The following P2RY2 variants were observed in gnomAD, a reference collection of about 807,000 sequenced individuals.
The protein encoded by P2RY2 is P2Y purinoceptor 2.
For synonymous variants in P2RY2, 241 were observed against 231.9 expected (o/e 1.04, Z -0.35); for missense variants, 567 against 515.7 (o/e 1.10, Z -0.96).
Position 73,237,217 on chromosome 11 carries a change from C to A in P2RY2, c.*1924C>A. ...CACCTCTCACCTTCTAGGTTCTATA[C>A]TTCTGTTAATGTAGCCGATGTCCTT... is the stretch of plus-strand genomic sequence containing the variant. On this transcript the variant is annotated 3_prime_UTR_variant, in exon 3 of 3. Transcript: ENST00000393597. 1.6e-6 allele frequency: 1 copy of A among 637,088 alleles called. No individual in the cohort carries two copies. Among genetic ancestry groups the A allele is most frequent in the Non-Finnish European group, 2.0e-6 (1 of 511,726 alleles). The allele number at this position is 637,088 out of a possible 1,614,324, so 39.5% of individuals were successfully genotyped here. A position where few individuals can be genotyped will look rare whatever the true frequency, so the allele number is the denominator to read the frequency against.
In P2RY2 at chr11:73,236,864, G is replaced by A; in HGVS notation, c.*1571G>A. ...AGCCAGGACCACTCTGGGCTGACGT[G>A]TGGCGCTCAGCTGGACAGGGCCCCG... On this transcript the variant is annotated 3_prime_UTR_variant, in exon 3 of 3. Transcript: ENST00000393597. 1 of 985,374 alleles carries A rather than the reference G, an allele frequency of 1.0e-6. No individual in the cohort carries two copies. Among genetic ancestry groups the A allele is most frequent in the Non-Finnish European group, 1.2e-6 (1 of 829,914 alleles). The allele number at this position is 985,374 out of a possible 1,614,324, so 61.0% of individuals were successfully genotyped here.
At position 73,235,266 on chromosome 11, in the gene P2RY2, C is replaced by T. The variant is rs145119561; in HGVS notation, c.1107C>T (p.Ser369=). Residue 369 remains serine, a synonymous_variant, in exon 3 of 3, where the codon AGC becomes AGT. Transcript: ENST00000393597. The part of the protein sequence containing the change: ...SRRTESTPAG[S]ENTKDIRL ...GGACAGAGTCCACGCCGGCTGGTAG[C>T]GAGAACACTAAGGACATTCGGCTGT... is the stretch of plus-strand genomic sequence containing the variant. The T allele has an allele frequency of 5.7e-6, 9 of 1,576,108 alleles. No individual in the cohort carries two copies. The highest frequency in any genetic ancestry group is 2.7e-5 in the African/African-American group (2 of 73,888).
At position 73,234,236 on chromosome 11, in the gene P2RY2, G is replaced by A. The variant is rs1477088266; in HGVS notation, c.77G>A (p.Arg26His). 1.9e-6 allele frequency: 3 copies of A among 1,614,024 alleles called. No individual in the cohort carries two copies. Among genetic ancestry groups the A allele is most frequent in the Admixed American group, 3.3e-5 (2 of 60,002 alleles). Residue 26 changes from arginine (R) to histidine (H), a missense_variant, in exon 3 of 3, where the codon CGC becomes CAC. Coordinates refer to ENST00000393597, the MANE Select transcript of P2RY2 (RefSeq NM_002564.4). Reference sequence around the variant, plus strand: ...GGGGATGAGCTGGGCTACAGGTGCCGCTTCAACGAGGACTTCAAGTACGTG... The same window carrying A: ...GGGGATGAGCTGGGCTACAGGTGCCACTTCAACGAGGACTTCAAGTACGTG... ...WDGDELGYRC[R>H]FNEDFKYVLL...
intron 2 of P2RY2, among the ~76,000 whole-genome samples, chr11:73,230,824 G>A (rs1862431280): frequency 6.6e-6 from 1 of 151,584 alleles, no homozygotes; most frequent in African/African-American, 2.4e-5. Flanking sequence ...CAGACTTGAG[G>A]GCTGGGCTTT....
rs184252118 is a variant in P2RY2, at chr11:73,221,046, T to A, written c.-200+2614T>A. ...AGCAGAGTTGCTACGAGGATTAAGATAGTGACCAGGGAAGAGCTTTATAAG... is the reference window on the plus strand; with the variant it reads ...AGCAGAGTTGCTACGAGGATTAAGAAAGTGACCAGGGAAGAGCTTTATAAG... On this transcript the variant is annotated intron_variant, in intron 1 of 2. Transcript: ENST00000393597. Among the ~76,000 whole-genome samples the A allele has an allele frequency of 2.0e-5, 3 of 152,294 alleles. No individual in the cohort carries two copies. The East Asian group carries it at 5.8e-4, about 29-fold the overall frequency.
intron 2 of P2RY2, among the ~76,000 whole-genome samples, chr11:73,230,399 C>T (rs1862416507): frequency 6.6e-6 from 1 of 152,048 alleles, no homozygotes; most frequent in African/African-American, 2.4e-5. Flanking sequence ...GTCCCACCTC[C>T]ACTGTGGCCA....
At chr11:73,220,678 G>A (rs931297890) in intron 1 of P2RY2, among the ~76,000 whole-genome samples, 2 of 152,192 alleles carry the variant, frequency 1.3e-5, no homozygotes, top group Non-Finnish European at 2.9e-5. Context: ...AAGGCTTGTC[G>A]CTCTTTCTCC....
chr11:73,220,087 C>G (rs1399734028), intron 1 of P2RY2, among the ~76,000 whole-genome samples: 1 of 152,228 alleles, frequency 6.6e-6, no homozygotes, highest in Non-Finnish European at 1.5e-5. Flanking sequence ...GAGAGAGCAG[C>G]AGTGGCGCCC....
Position 73,234,582 on chromosome 11 carries a change from C to T in P2RY2, c.423C>T (p.Ser141=). 1 of 1,576,576 alleles carries T rather than the reference C, an allele frequency of 6.3e-7. No individual in the cohort carries two copies. The highest frequency in any genetic ancestry group is 8.6e-7 in the Non-Finnish European group (1 of 1,160,578). ...RCLGVLRPLR[S]LRWGRARYAR... is the part of the protein sequence containing the mutation. The stretch of plus-strand genomic sequence containing the variant: ...TGGGCGTCTTACGACCTCTGCGCTC[C>T]CTGCGCTGGGGCCGGGCCCGCTACG... The change falls in exon 3 of 3, where the codon TCC becomes TCT. Residue 141 remains serine (S), a synonymous_variant. Transcript: ENST00000393597.
Position 73,236,788 on chromosome 11 carries a change from C to T in P2RY2, c.*1495C>T. On this transcript the variant is annotated 3_prime_UTR_variant, in exon 3 of 3. Transcript: ENST00000393597. ...TGGCAGGGTGGTGCTCAGGCTGGGT[C>T]AGGACTTAGTATGGGGGAGATGGGT... The T allele has an allele frequency of 2.0e-6, 2 of 985,408 alleles. No individual in the cohort carries two copies. Among genetic ancestry groups the T allele is most frequent in the Non-Finnish European group, 2.4e-6 (2 of 829,920 alleles). The allele number at this position is 985,408 out of a possible 1,614,324, so 61.0% of individuals were successfully genotyped here.
rs1370596605 is a variant in P2RY2 at position 73,235,836 on chromosome 11, A to G, written c.*543A>G. 1 of 1,000,812 alleles carries G rather than the reference A, an allele frequency of 1.0e-6. No homozygotes were observed. Among genetic ancestry groups the G allele is most frequent in the Non-Finnish European group, 1.2e-6 (1 of 830,482 alleles). The allele number at this position is 1,000,812 out of a possible 1,614,324, so 62.0% of individuals were successfully genotyped here. ...GGAGTACCCCCAGCCCAAGAGATGA[A>G]CATCTGGGGACTAATATCATAGACC... On this transcript the variant is annotated 3_prime_UTR_variant, in exon 3 of 3. Transcript: ENST00000393597.
chr11:73,236,997 C>G lies in P2RY2; in HGVS notation c.*1704C>G. On this transcript the variant is annotated 3_prime_UTR_variant, in exon 3 of 3. Transcript: ENST00000393597. ...GGGAGAGCCCTCGCCCTGTGGCCCACTCTGCCTGCCCCCTCTGACCTCTCC... is the reference window on the plus strand; with the variant it reads ...GGGAGAGCCCTCGCCCTGTGGCCCAGTCTGCCTGCCCCCTCTGACCTCTCC... 2 of 985,332 alleles carry G rather than the reference C, an allele frequency of 2.0e-6. No individual in the cohort carries two copies. The highest frequency in any genetic ancestry group is 2.4e-6 in the Non-Finnish European group (2 of 829,872). The allele number at this position is 985,332 out of a possible 1,614,324, so 61.0% of individuals were successfully genotyped here.
rs575058276 is a variant in P2RY2, at chr11:73,242,173, C to G, written c.*6880C>G. 1 of 152,244 alleles carries G rather than the reference C, an allele frequency of 6.6e-6. No homozygotes were observed. The highest frequency in any genetic ancestry group is 1.5e-5 in the Non-Finnish European group (1 of 68,022). 9.4% of individuals were successfully genotyped at this position (152,244 alleles called of 1,614,324 possible). A position where few individuals can be genotyped will look rare whatever the true frequency, so the allele number is the denominator to read the frequency against. Reference sequence around the variant, plus strand: ...TCTTTAGAAAGCGGGCTATTTTACCCCATGTGTCCTCAGATTTATGTCCTG... The same window carrying G: ...TCTTTAGAAAGCGGGCTATTTTACCGCATGTGTCCTCAGATTTATGTCCTG... On this transcript the variant is annotated 3_prime_UTR_variant, in exon 3 of 3. Coordinates refer to ENST00000393597, the MANE Select transcript of P2RY2 (RefSeq NM_002564.4).
rs1297401555 is a variant in P2RY2 at position 73,236,641 on chromosome 11, G to A, written c.*1348G>A. The stretch of plus-strand genomic sequence containing the variant: ...AGGCAGGGTTGGGGCTGGGTCACAA[G>A]GAGGCCAAGTTAGGGCTCCCTCCTT... On this transcript the variant is annotated 3_prime_UTR_variant, in exon 3 of 3. Transcript: ENST00000393597. 1.2e-5 allele frequency: 12 copies of A among 985,304 alleles called. No individual in the cohort carries two copies. The highest frequency in any genetic ancestry group is 1.2e-5 in the Non-Finnish European group (10 of 829,932). 61.0% of individuals were successfully genotyped at this position (985,304 alleles called of 1,614,324 possible).
intron 1 of P2RY2, among the ~76,000 whole-genome samples, chr11:73,219,725 C>T (rs1302338662): frequency 2.0e-5 from 3 of 152,260 alleles, no homozygotes; most frequent in Non-Finnish European, 2.9e-5. Flanking sequence ...CTTTACCTTG[C>T]AGCAGCTGCC....
chr11:73,229,087 C>G (rs1484797734), intron 2 of P2RY2, among the ~76,000 whole-genome samples: 1 of 152,154 alleles, frequency 6.6e-6, no homozygotes, highest in Non-Finnish European at 1.5e-5. Flanking sequence ...CAGAGAAAAG[C>G]ATCAGATGGA....
rs1862339265 is a variant in P2RY2, at chr11:73,228,188, G to GC, written c.-5+13_-5+14insC. The GC allele has an allele frequency of 1.7e-5, 2 of 120,554 alleles. No individual in the cohort carries two copies. The highest frequency in any genetic ancestry group is 3.0e-5 in the African/African-American group (1 of 33,434). The allele number at this position is 120,554 out of a possible 1,614,324, so 7.5% of individuals were successfully genotyped here. On this transcript the variant is annotated intron_variant, in intron 2 of 2. Coordinates refer to ENST00000393597, the MANE Select transcript of P2RY2 (RefSeq NM_002564.4). ...AGGGGCTGGTCAGGTACGTGGGGTGGGGGTGGGGGGGAGCGGGTACGCTGG... is the reference window on the plus strand; with the variant it reads ...AGGGGCTGGTCAGGTACGTGGGGTGGCGGGTGGGGGGGAGCGGGTACGCTGG...
chr11:73,233,645 C>T (rs1481167503), intron 2 of P2RY2, among the ~76,000 whole-genome samples: 1 of 152,212 alleles, frequency 6.6e-6, no homozygotes, highest in African/African-American at 2.4e-5. Context: ...CGGGTGTGTG[C>T]CAGCATGCCT....
Position 73,234,349 on chromosome 11 carries a change from A to T in P2RY2, c.190A>T (p.Thr64Ser). 1.2e-6 allele frequency: 2 copies of T among 1,614,098 alleles called. No individual in the cohort carries two copies. The highest frequency in any genetic ancestry group is 1.7e-6 in the Non-Finnish European group (2 of 1,180,004). Residue 64 changes from threonine (T) to serine (S), a missense_variant, in exon 3 of 3, where the codon ACC becomes TCC. Coordinates refer to ENST00000393597, the MANE Select transcript of P2RY2 (RefSeq NM_002564.4). ...CTACATCTTCTTGTGCCGCCTCAAG[A>T]CCTGGAATGCGTCCACCACATATAT... ...ALYIFLCRLKTWNASTTYMFH... is the reference protein window; with the variant it reads ...ALYIFLCRLKSWNASTTYMFH...
Sources: allele counts gnomAD v4.1 joint callset (sites outside exome capture counted in the v4.1 genomes callset), GRCh38; gene constraint gnomAD v4.1.1; transcripts MANE v1.5; gene names NCBI Gene and HGNC (gene_info 2026-07-23, HGNC 2026-07-21).